The following NRXN1 variants were observed in gnomAD, a reference collection of about 807,000 sequenced individuals.
NRXN1 encodes the protein neurexin 1, also known as neurexin-1.
Under a neutral mutation model 150.9 loss-of-function variants are expected in NRXN1, and 39 were observed. The ratio of observed to expected loss-of-function variants is 0.26; its 90% CI spans 0.20 to 0.34. The LOEUF is 0.34. Among genes scored for constraint, NRXN1 ranks in the 10% least tolerant of loss-of-function variants. NRXN1 has a pLI of 1.00. For missense variants in NRXN1, 1,815 were observed against 1,949.9 expected, an observed-to-expected ratio of 0.93 and a Z score of 1.30; for synonymous variants, 924 against 757.0, an observed-to-expected ratio of 1.22 and a Z score of -3.62.
intron 22 of NRXN1, among the ~76,000 whole-genome samples, chr2:49,923,825 T>A (rs1668623909): frequency 6.6e-6 from 1 of 152,184 alleles, no homozygotes; most frequent in African/African-American, 2.4e-5. Context: ...AAAGTAGCAA[T>A]AAGCTATGTT....
At chr2:50,596,378 G>A (rs1435545422) in intron 8 of NRXN1, among the ~76,000 whole-genome samples, 10 of 152,070 alleles carry the variant, frequency 6.6e-5, no homozygotes, top group Non-Finnish European at 1.5e-4. Flanking sequence ...AAATTGCTGT[G>A]TTTTGGAGCA....
intron 8 of NRXN1, among the ~76,000 whole-genome samples, chr2:50,561,516 A>G (rs972151420): frequency 2.0e-5 from 3 of 152,186 alleles, no homozygotes; most frequent in African/African-American, 4.8e-5. Flanking sequence ...GATCAAAATA[A>G]TGTATTGGGG....
chr2:50,235,565 G>A (rs1332738140), intron 18 of NRXN1, among the ~76,000 whole-genome samples: 1 of 152,052 alleles, frequency 6.6e-6, no homozygotes, highest in Non-Finnish European at 1.5e-5. Context: ...AATAAAAACA[G>A]AGAATTAAAA....
intron 17 of NRXN1, among the ~76,000 whole-genome samples, chr2:50,427,357 T>A (rs1003262462): frequency 2.1e-5 from 3 of 143,950 alleles, no homozygotes; most frequent in Non-Finnish European, 4.4e-5. Context: ...GCAACATATA[T>A]TCTGCCAAAA....
chr2:50,759,325 T>A (rs1353988305), intron 5 of NRXN1, among the ~76,000 whole-genome samples: 1 of 151,902 alleles, frequency 6.6e-6, no homozygotes, highest in African/African-American at 2.4e-5. Flanking sequence ...ATGGGAGAAC[T>A]GAACTCAGAG....
chr2:50,968,721 T>G (rs567565772), intron 2 of NRXN1, among the ~76,000 whole-genome samples: 4 of 152,214 alleles, frequency 2.6e-5, no homozygotes, highest in African/African-American at 9.6e-5. Context: ...TTTGCTCCTC[T>G]TCAAACAAAA....
chr2:50,009,151 AG>A (rs1258436314), intron 21 of NRXN1, among the ~76,000 whole-genome samples: 1 of 152,154 alleles, frequency 6.6e-6, no homozygotes, highest in Non-Finnish European at 1.5e-5. Flanking sequence ...TATTTATGAT[AG>A]TATCGATATA....
chr2:49,963,558 T>G (rs541236969), intron 21 of NRXN1, among the ~76,000 whole-genome samples: 1 of 152,278 alleles, frequency 6.6e-6, no homozygotes, highest in South Asian at 2.1e-4. Context: ...AATCACGCAA[T>G]GAGATGTGAA....
At chr2:49,956,311 G>T (rs1024131429) in intron 21 of NRXN1, among the ~76,000 whole-genome samples, 1 of 152,150 alleles carries the variant, frequency 6.6e-6, no homozygotes, top group African/African-American at 2.4e-5. Flanking sequence ...GATGTTCTAT[G>T]TTCTCTGATA....
At chr2:50,396,784 G>A (rs557319026) in intron 17 of NRXN1, among the ~76,000 whole-genome samples, 2 of 152,060 alleles carry the variant, frequency 1.3e-5, no homozygotes, top group African/African-American at 2.4e-5. Context: ...AGAAATGTAA[G>A]ATGATTTCTC....
chr2:50,179,807 C>T (rs1309255243), intron 18 of NRXN1, among the ~76,000 whole-genome samples: 1 of 151,990 alleles, frequency 6.6e-6, no homozygotes, highest in East Asian at 1.9e-4. Context: ...AAAGCAGCAG[C>T]TGCTTAGGAG....
intron 21 of NRXN1, among the ~76,000 whole-genome samples, chr2:50,033,933 T>C (rs1689578184): frequency 6.8e-6 from 1 of 147,448 alleles, no homozygotes; most frequent in Non-Finnish European, 1.5e-5. Flanking sequence ...TGAGATACCA[T>C]CTCACACCAG....
intron 18 of NRXN1, among the ~76,000 whole-genome samples, chr2:50,118,294 G>A (rs1404807192): frequency 6.6e-6 from 1 of 152,128 alleles, no homozygotes; most frequent in Non-Finnish European, 1.5e-5. Context: ...AAGCTCCCAG[G>A]TGATGCTGAT....
intron 8 of NRXN1, among the ~76,000 whole-genome samples, chr2:50,553,860 C>T (rs897097931): frequency 2.6e-5 from 4 of 152,174 alleles, no homozygotes; most frequent in Non-Finnish European, 5.9e-5. Flanking sequence ...CCAATTAACA[C>T]ATTTGATAAT....
At chr2:50,928,834 G>A (rs1687308784) in intron 2 of NRXN1, among the ~76,000 whole-genome samples, 1 of 152,030 alleles carries the variant, frequency 6.6e-6, no homozygotes, top group African/African-American at 2.4e-5. Context: ...TAATTCTGCT[G>A]ACCTAATCCT....
intron 5 of NRXN1, among the ~76,000 whole-genome samples, chr2:50,871,164 A>T (rs1299363978): frequency 6.6e-6 from 1 of 151,834 alleles, no homozygotes; most frequent in Admixed American, 6.6e-5. Flanking sequence ...AGATCTACGG[A>T]ATTTATCTGA....
At chr2:50,864,384 A>C (rs574074830) in intron 5 of NRXN1, among the ~76,000 whole-genome samples, 23 of 152,128 alleles carry the variant, frequency 1.5e-4, no homozygotes, top group African/African-American at 4.3e-4. Flanking sequence ...TTATCTTTTC[A>C]TTTTCCAAGA....
intron 17 of NRXN1, among the ~76,000 whole-genome samples, chr2:50,280,295 C>A (rs143163363): frequency 0.013 from 1,824 of 137,318 alleles, 22 homozygotes; most frequent in Non-Finnish European, 0.02. Flanking sequence ...AAAAAAAAAA[C>A]AGATATATTA....
intron 21 of NRXN1, among the ~76,000 whole-genome samples, chr2:49,978,682 G>C (rs1228272850): frequency 7.3e-6 from 1 of 136,964 alleles, no homozygotes; most frequent in Non-Finnish European, 1.5e-5. Context: ...AGGAGAGAGA[G>C]AGAGATAGCC....
Sources: allele counts gnomAD v4.1 joint callset (sites outside exome capture counted in the v4.1 genomes callset), GRCh38; gene constraint gnomAD v4.1.1; transcripts MANE v1.5; gene names NCBI Gene and HGNC (gene_info 2026-07-23, HGNC 2026-07-21).